The following KDM2B variants were observed in gnomAD, a reference collection of about 807,000 sequenced individuals.
KDM2B encodes the protein lysine-specific demethylase 2B.
In KDM2B, 26 loss-of-function variants were observed where a neutral mutation model predicts 150.0. That is an observed-to-expected ratio of 0.17 (90% CI 0.13 to 0.24). The LOEUF (loss-of-function observed/expected upper bound fraction) is 0.24. Ranked by LOEUF, KDM2B falls within the 10% of genes least tolerant of loss-of-function variation. The pLI is 1.00. For missense variants in KDM2B, 1,265 were observed against 1,816.9 expected, an observed-to-expected ratio of 0.70 and a Z score of 5.52; for synonymous variants, 734 against 729.5, an observed-to-expected ratio of 1.01 and a Z score of -0.10.
intron 12 of KDM2B, among the ~76,000 whole-genome samples, chr12:121,480,185 C>G (rs990637332): frequency 6.6e-6 from 1 of 151,018 alleles, no homozygotes; most frequent in Non-Finnish European, 1.5e-5. Context: ...GCACCACCAC[C>G]CAGATTCTCT....
chr12:121,542,405 A>C (rs1456116687), intron 6 of KDM2B, among the ~76,000 whole-genome samples: 1 of 152,246 alleles, frequency 6.6e-6, no homozygotes. Flanking sequence ...TTGGCCTCCC[A>C]AAGTGCTGTG....
chr12:121,573,691 C>A (rs1461525690), intron 4 of KDM2B, among the ~76,000 whole-genome samples: 3 of 151,870 alleles, frequency 2.0e-5, no homozygotes, highest in African/African-American at 7.3e-5. Flanking sequence ...AGGTTCACAC[C>A]ATTCTCCTGC....
intron 12 of KDM2B, among the ~76,000 whole-genome samples, chr12:121,471,909 G>T (rs567262817): frequency 1.3e-5 from 2 of 152,156 alleles, no homozygotes; most frequent in Non-Finnish European, 1.5e-5. Flanking sequence ...ATCACTTGAG[G>T]TCAGGAGTTC....
At chr12:121,410,107 T>A in the KDM2B span, among the ~76,000 whole-genome samples, 3 of 151,604 alleles carry the variant, frequency 2.0e-5, no homozygotes, top group Non-Finnish European at 4.4e-5. Flanking sequence ...TGAGCCAAGA[T>A]CGTGCCATCG....
intron 8 of KDM2B, among the ~76,000 whole-genome samples, chr12:121,530,145 G>A (rs1322939114): frequency 7.0e-6 from 1 of 142,946 alleles, no homozygotes; most frequent in African/African-American, 2.6e-5. Flanking sequence ...GGAGAATGGT[G>A]TGAACCCGGG....
chr12:121,526,081 G>A (rs782529793), intron 8 of KDM2B, among the ~76,000 whole-genome samples: 1 of 152,180 alleles, frequency 6.6e-6, no homozygotes, highest in Non-Finnish European at 1.5e-5. Context: ...GCCGAGACTG[G>A]TAGCTCACAC....
chr12:121,426,089 G>A (rs928933199), downstream of KDM2B, among the ~76,000 whole-genome samples: 2 of 152,176 alleles, frequency 1.3e-5, no homozygotes, highest in African/African-American at 4.8e-5. Context: ...TAACTTGGTG[G>A]TGGCAAGTCT....
chr12:121,527,514 C>T (rs1346232675), intron 8 of KDM2B, among the ~76,000 whole-genome samples: 1 of 150,412 alleles, frequency 6.6e-6, no homozygotes, highest in Non-Finnish European at 1.5e-5. Context: ...GTTAGCCGGG[C>T]ATGGTGGCAG....
At chr12:121,579,720 CG>C in intron 1 of KDM2B, 1 of 1,456,148 alleles carries the variant, frequency 6.9e-7, no homozygotes, top group Non-Finnish European at 9.1e-7. Context: ...GCCCAGCGCC[CG>C]GCCCCTCAGC....
Position 121,521,424 on chromosome 12 carries a change from G to A in KDM2B, c.932-324C>T, listed in dbSNP as rs183777546. 1.7e-4 allele frequency among the ~76,000 whole-genome samples: 26 copies of A among 152,318 alleles called. No homozygotes were observed. The East Asian group carries it at 4.8e-3, about 28-fold the overall frequency. Reference sequence around the variant, plus strand: ...ACCTGGCTGCAATGGCCAGCAGAGAGGCAGGCCCTTTCTCCACCTCCATGC... The same window carrying A: ...ACCTGGCTGCAATGGCCAGCAGAGAAGCAGGCCCTTTCTCCACCTCCATGC... On this transcript the variant is annotated intron_variant, in intron 8 of 22. Coordinates refer to ENST00000377071, the MANE Select transcript of KDM2B (RefSeq NM_032590.5). This position sits in a 1 kb window ranked among gnomAD's most constrained non-coding sequence, Gnocchi z 4.9.
Position 121,513,052 on chromosome 12 carries a change from C to T in KDM2B, c.1174+224G>A, listed in dbSNP as rs1299211208. Among the ~76,000 whole-genome samples the T allele has an allele frequency of 6.6e-6, 1 of 151,928 alleles. No homozygotes were observed. The highest frequency in any genetic ancestry group is 1.5e-5 in the Non-Finnish European group (1 of 67,980). ...ATCTACACAGCCATGGGCTGGAGGCCACACACGTGACTCTTTTGGGGATCC... is the reference window on the plus strand; with the variant it reads ...ATCTACACAGCCATGGGCTGGAGGCTACACACGTGACTCTTTTGGGGATCC... On this transcript the variant is annotated intron_variant, in intron 10 of 22. Coordinates refer to ENST00000377071, the MANE Select transcript of KDM2B (RefSeq NM_032590.5). The surrounding 1 kb of genome is among the most constrained non-coding windows in gnomAD (Gnocchi z 5.0).
chr12:121,513,477 G>A lies in KDM2B; in HGVS notation c.1048-75C>T. ...GGGGAAGGAGGGAGAGAAGTGCGGGGCAGGCTCCCTGCAGGTGAGGGTCAC... is the reference window on the plus strand; with the variant it reads ...GGGGAAGGAGGGAGAGAAGTGCGGGACAGGCTCCCTGCAGGTGAGGGTCAC... On this transcript the variant is annotated intron_variant, in intron 9 of 22. Transcript: ENST00000377071. This position sits in a 1 kb window ranked among gnomAD's most constrained non-coding sequence, Gnocchi z 5.0. 1 of 1,537,244 alleles carries A rather than the reference G, an allele frequency of 6.5e-7. No homozygotes were observed. The highest frequency in any genetic ancestry group is 8.9e-7 in the Non-Finnish European group (1 of 1,118,282).
intron 6 of KDM2B, among the ~76,000 whole-genome samples, chr12:121,545,787 T>G (rs1484001589): frequency 6.6e-6 from 1 of 152,138 alleles, no homozygotes; most frequent in Non-Finnish European, 1.5e-5. Context: ...CCAGCTGTTC[T>G]TACAGGAAAT....
At chr12:121,446,707 G>C (rs891660940) in intron 13 of KDM2B, among the ~76,000 whole-genome samples, 3 of 152,200 alleles carry the variant, frequency 2.0e-5, no homozygotes, top group Non-Finnish European at 4.4e-5. Context: ...AAAAATAACT[G>C]ACAGCATTTG....
At chr12:121,423,509 A>G in the KDM2B span, 1 of 1,614,118 alleles carries the variant, frequency 6.2e-7, no homozygotes, top group South Asian at 1.1e-5. This position sits in a 1 kb window ranked among gnomAD's most constrained non-coding sequence, Gnocchi z 4.3. Flanking sequence ...AAGTGCGGCA[A>G]GCGCATGAGT....
At chr12:121,540,636 C>A (rs1300381298) in intron 6 of KDM2B, among the ~76,000 whole-genome samples, 1 of 151,536 alleles carries the variant, frequency 6.6e-6, no homozygotes, top group African/African-American at 2.4e-5. Context: ...GCCTGTAGTT[C>A]CAGCTAAATC....
At chr12:121,425,394 A>G (rs1027768991), downstream of KDM2B, among the ~76,000 whole-genome samples, 18 of 151,878 alleles carry the variant, frequency 1.2e-4, no homozygotes, top group African/African-American at 4.4e-4. Context: ...TTGACTCAGG[A>G]TGGTTGAGTT....
Position 121,430,150 on chromosome 12 carries a change from C to CT in KDM2B, c.*137dup. 2 of 1,614,232 alleles carry CT rather than the reference C, an allele frequency of 1.2e-6. No homozygotes were observed. The highest frequency in any genetic ancestry group is 1.7e-6 in the Non-Finnish European group (2 of 1,180,036). On this transcript the variant is annotated 3_prime_UTR_variant, in exon 23 of 23. Coordinates refer to ENST00000377071, the MANE Select transcript of KDM2B (RefSeq NM_032590.5). This position sits in a 1 kb window ranked among gnomAD's most constrained non-coding sequence, Gnocchi z 4.4. ...CCCCAAACGGGTGGTTGAACAGCTTCTCCCTTGGAAAGACTTGCAAAATGG... is the reference window on the plus strand; with the variant it reads ...CCCCAAACGGGTGGTTGAACAGCTTCTTCCCTTGGAAAGACTTGCAAAATGG...
At chr12:121,576,978 C>A (rs1891539125) in intron 2 of KDM2B, among the ~76,000 whole-genome samples, 1 of 152,158 alleles carries the variant, frequency 6.6e-6, no homozygotes, top group Non-Finnish European at 1.5e-5. Context: ...GCTCAGATCC[C>A]CAGGGGCTCA....
Sources: gnomAD v4.1 joint callset for allele counts (sites outside exome capture counted in the v4.1 genomes callset) on GRCh38, gnomAD v4.1.1 for gene constraint, Gnocchi (gnomAD v3.1) non-coding constraint, MANE v1.5 for transcripts, NCBI Gene and HGNC (gene_info 2026-07-23, HGNC 2026-07-21) for gene names.